The following FAM227B variants were observed in gnomAD, a reference collection of about 807,000 sequenced individuals.
FAM227B encodes protein FAM227B.
A neutral mutation model predicts 73.8 loss-of-function variants in FAM227B; 88 were observed. The observed-to-expected ratio is 1.19, with a 90% CI of 1.00 to 1.42. The LOEUF (loss-of-function observed/expected upper bound fraction) is 1.42. Ranked by LOEUF, FAM227B falls within the 40% of genes most tolerant of loss-of-function variation. The pLI, the probability that FAM227B is intolerant of heterozygous loss-of-function variation, is 0.00. For synonymous variants in FAM227B, 210 were observed against 190.5 expected, an observed-to-expected ratio of 1.10 and a Z score of -0.84; for missense variants, 632 against 590.9, an observed-to-expected ratio of 1.07 and a Z score of -0.72.
chr15:49,518,258 T>C (rs756003040), intron 10 of FAM227B, among the ~76,000 whole-genome samples: 6 of 152,178 alleles, frequency 3.9e-5, no homozygotes, highest in Non-Finnish European at 8.8e-5. Flanking sequence ...AGCATGGTTA[T>C]CTTTTATCTT....
Position 49,522,169 on chromosome 15 carries a change from A to G in FAM227B, c.875-13821T>C, listed in dbSNP as rs79772062. Among the ~76,000 whole-genome samples, 1,216 of 152,320 alleles carry G rather than the reference A, an allele frequency of 8.0e-3. 20 individuals carry two copies. Among genetic ancestry groups the G allele is most frequent in the African/African-American group, 0.028 (1,178 of 41,568 alleles). On this transcript the variant is annotated intron_variant, in intron 10 of 15. Transcript: ENST00000299338. ...TTTGAGAAAATCATGTCCAAAAGCTATCTATAAGCAAGGAACCCGTAACAG... is the reference window on the plus strand; with the variant it reads ...TTTGAGAAAATCATGTCCAAAAGCTGTCTATAAGCAAGGAACCCGTAACAG...
chr15:49,616,571 G>C (rs1422088813), intron 1 of FAM227B, among the ~76,000 whole-genome samples: 2 of 152,144 alleles, frequency 1.3e-5, no homozygotes, highest in South Asian at 2.1e-4. Flanking sequence ...GCCAGGAAGA[G>C]AGGCCTCACT....
At chr15:49,522,936 C>T (rs749096861) in intron 10 of FAM227B, among the ~76,000 whole-genome samples, 1 of 152,142 alleles carries the variant, frequency 6.6e-6, no homozygotes, top group African/African-American at 2.4e-5. Context: ...AATTCAAGGA[C>T]ACCTGGGAGA....
intron 13 of FAM227B, among the ~76,000 whole-genome samples, chr15:49,341,707 A>G (rs895566062): frequency 1.1e-4 from 16 of 152,120 alleles, no homozygotes; most frequent in Non-Finnish European, 1.5e-4. Context: ...TTGTCTTAAC[A>G]TGGTTTTTGC....
At chr15:49,383,151 A>G (rs1384999338) in intron 11 of FAM227B, among the ~76,000 whole-genome samples, 1 of 152,186 alleles carries the variant, frequency 6.6e-6, no homozygotes, top group East Asian at 1.9e-4. Context: ...AGAACAATAT[A>G]TAAACTAGAA....
intron 13 of FAM227B, chr15:49,344,027 A>T (rs1257104308): frequency 6.6e-6 from 1 of 152,262 alleles, no homozygotes; most frequent in East Asian, 1.9e-4. Flanking sequence ...TTTAATAAAC[A>T]TTCAACATTA....
intron 11 of FAM227B, among the ~76,000 whole-genome samples, chr15:49,383,721 G>C (rs1567187179): frequency 6.6e-6 from 1 of 152,086 alleles, no homozygotes; most frequent in African/African-American, 2.4e-5. Flanking sequence ...GACATAAGAA[G>C]TAAGTTATAA....
intron 11 of FAM227B, among the ~76,000 whole-genome samples, chr15:49,395,508 G>A (rs920973100): frequency 2.0e-5 from 3 of 152,212 alleles, no homozygotes; most frequent in African/African-American, 4.8e-5. Flanking sequence ...TCTGAGTACT[G>A]CTGAGAATCA....
At chr15:49,490,710 C>A (rs1018420189) in intron 11 of FAM227B, among the ~76,000 whole-genome samples, 1 of 151,868 alleles carries the variant, frequency 6.6e-6, no homozygotes, top group Non-Finnish European at 1.5e-5. Flanking sequence ...GACGAATGTA[C>A]CTTTTTATGT....
chr15:49,436,640 C>G lies in FAM227B; in HGVS notation c.1013-65241G>C, dbSNP rs184250976. On this transcript the variant is annotated intron_variant, in intron 11 of 15. Transcript: ENST00000299338. ...ACAGGGCTCTTATTAGGTGGGCAGA[C>G]TTATGCTCATTTGCAGATGGGGGAG... 8.6e-5 allele frequency among the ~76,000 whole-genome samples: 13 copies of G among 151,506 alleles called. No individual in the cohort carries two copies. The Admixed American group carries it at 8.6e-4, about 10-fold the overall frequency.
chr15:49,333,256 T>C lies in FAM227B; in HGVS notation c.1350-1407A>G, dbSNP rs186644580. Among the ~76,000 whole-genome samples, 643 of 152,306 alleles carry C rather than the reference T, an allele frequency of 4.2e-3. 3 individuals carry two copies. The highest frequency in any genetic ancestry group is 7.0e-3 in the Non-Finnish European group (474 of 68,038). On this transcript the variant is annotated intron_variant, in intron 14 of 15. Transcript: ENST00000299338. Reference sequence around the variant, plus strand: ...TGAAGTTTTATAACATTACTAATCCTCCCTCTTTCTGATTGCCTTTCCTCT... The same window carrying C: ...TGAAGTTTTATAACATTACTAATCCCCCCTCTTTCTGATTGCCTTTCCTCT...
chr15:49,332,125 A>G, intron 14 of FAM227B, among the ~76,000 whole-genome samples: 1 of 146,732 alleles, frequency 6.8e-6, no homozygotes, highest in Non-Finnish European at 1.5e-5. Context: ...ACACATCCAC[A>G]ACAGTCATAC....
intron 11 of FAM227B, among the ~76,000 whole-genome samples, chr15:49,396,930 A>C (rs556565928): frequency 4.3e-4 from 65 of 152,358 alleles, no homozygotes; most frequent in African/African-American, 7.9e-4. Flanking sequence ...AACTCTAAAA[A>C]GCAGAGCGCC....
Position 49,550,310 on chromosome 15 carries a change from A to T in FAM227B, c.748-8504T>A, listed in dbSNP as rs1257023531. Among the ~76,000 whole-genome samples, 15 of 135,352 alleles carry T rather than the reference A, an allele frequency of 1.1e-4. No individual in the cohort carries two copies. The South Asian group carries it at 3.7e-3, about 34-fold the overall frequency. The allele number at this position is 135,352 out of a possible 152,430, so 88.8% of individuals were successfully genotyped here. ...GGCAGAGGCGCCCCTCACCTCCCGG[A>T]CGGGGCGGCTGGCCGGGCGGCGGGC... On this transcript the variant is annotated intron_variant, in intron 9 of 15. Transcript: ENST00000299338.
intron 11 of FAM227B, among the ~76,000 whole-genome samples, chr15:49,398,115 G>C (rs1448747437): frequency 2.0e-5 from 3 of 152,122 alleles, no homozygotes; most frequent in African/African-American, 7.2e-5. Flanking sequence ...CTCACATGCA[G>C]AGACACACAT....
intron 11 of FAM227B, among the ~76,000 whole-genome samples, chr15:49,490,251 TAGAA>T (rs1411690276): frequency 6.6e-6 from 1 of 151,780 alleles, no homozygotes; most frequent in African/African-American, 2.4e-5. Flanking sequence ...ATGTAGACAC[TAGAA>T]AGAGAGTTAC....
chr15:49,544,443 T>C (rs1009914722), intron 9 of FAM227B, among the ~76,000 whole-genome samples: 8 of 152,164 alleles, frequency 5.3e-5, no homozygotes, highest in Non-Finnish European at 8.8e-5. Flanking sequence ...TACAATCATA[T>C]CATCAGAAAA....
intron 9 of FAM227B, among the ~76,000 whole-genome samples, chr15:49,555,518 T>A (rs1028652979): frequency 6.6e-6 from 1 of 152,238 alleles, no homozygotes; most frequent in African/African-American, 2.4e-5. Context: ...ATCTGATGAC[T>A]ATGTGACTTG....
intron 1 of FAM227B, among the ~76,000 whole-genome samples, chr15:49,618,418 G>A (rs1367734162): frequency 6.6e-6 from 1 of 152,212 alleles, no homozygotes; most frequent in Non-Finnish European, 1.5e-5. Context: ...TGATGCTTTA[G>A]CAGTTTGCCA....
Sources: gnomAD v4.1 joint callset for allele counts (sites outside exome capture counted in the v4.1 genomes callset) on GRCh38, gnomAD v4.1.1 for gene constraint, MANE v1.5 for transcripts, NCBI Gene and HGNC (gene_info 2026-07-23, HGNC 2026-07-21) for gene names.